Variants in BNC2 observed in about 807,000 individuals in gnomAD.
The protein encoded by BNC2 is basonuclin zinc finger protein 2.
Under a neutral mutation model 76.3 loss-of-function variants are expected in BNC2, and 20 were observed. That is an observed-to-expected ratio of 0.26 (90% CI 0.18 to 0.38). The LOEUF is 0.38. Ranked by LOEUF, BNC2 falls within the 10% of genes least tolerant of loss-of-function variation. The pLI is 1.00. For synonymous variants in BNC2, 582 were observed against 514.8 expected (o/e 1.13, Z -1.77); for missense variants, 1,382 against 1,399.8 (o/e 0.99, Z 0.20).
At chr9:16,670,943 CCT>C (rs1822459158) in intron 3 of BNC2, among the ~76,000 whole-genome samples, 1 of 152,156 alleles carries the variant, frequency 6.6e-6, no homozygotes, top group Non-Finnish European at 1.5e-5. Flanking sequence ...AGCACCTTCC[CCT>C]GAGCTTGCCC....
intron 5 of BNC2, among the ~76,000 whole-genome samples, chr9:16,462,629 T>TG (rs752208650): frequency 1.3e-5 from 2 of 152,156 alleles, no homozygotes; most frequent in African/African-American, 2.4e-5. Context: ...GTAGGATACT[T>TG]TATCAAGTTT....
chr9:16,827,746 G>T (rs1818487528), intron 1 of BNC2, among the ~76,000 whole-genome samples: 1 of 152,220 alleles, frequency 6.6e-6, no homozygotes, highest in Non-Finnish European at 1.5e-5. Context: ...GGGAAGAAGT[G>T]TGAAACATGT....
At chr9:16,868,908 T>C (rs1819608809) in intron 1 of BNC2, among the ~76,000 whole-genome samples, 1 of 152,182 alleles carries the variant, frequency 6.6e-6, no homozygotes. Flanking sequence ...CAGAAATAAA[T>C]TCCTCCCATT....
chr9:16,804,656 G>T (rs557741097), intron 1 of BNC2, among the ~76,000 whole-genome samples: 2 of 152,268 alleles, frequency 1.3e-5, no homozygotes, highest in East Asian at 3.9e-4. Context: ...AGTATGATAC[G>T]CACAGAATGA....
chr9:16,545,847 C>T (rs1196692913), intron 5 of BNC2, among the ~76,000 whole-genome samples: 1 of 152,134 alleles, frequency 6.6e-6, no homozygotes, highest in Non-Finnish European at 1.5e-5. Flanking sequence ...AATCTACGAT[C>T]CGAGAAAATG....
At chr9:16,657,874 T>G (rs1821976408) in intron 3 of BNC2, among the ~76,000 whole-genome samples, 1 of 152,176 alleles carries the variant, frequency 6.6e-6, no homozygotes, top group African/African-American at 2.4e-5. Flanking sequence ...TACATAGGTG[T>G]GTTGATCTTA....
Position 16,659,969 on chromosome 9 carries a change from G to C in BNC2, c.330+67828C>G, listed in dbSNP as rs547176850. On this transcript the variant is annotated intron_variant, in intron 3 of 6. Transcript: ENST00000380672. Reference sequence around the variant, plus strand: ...AGCAACCAAATAGATGCCTGAAACAGAATTATATGTTCAGTTAATATCTGT... The same window carrying C: ...AGCAACCAAATAGATGCCTGAAACACAATTATATGTTCAGTTAATATCTGT... 3.9e-5 allele frequency among the ~76,000 whole-genome samples: 6 copies of C among 152,290 alleles called. No individual in the cohort carries two copies. The South Asian group carries it at 1.0e-3, about 26-fold the overall frequency.
At chr9:16,467,613 A>G (rs915826287) in intron 5 of BNC2, among the ~76,000 whole-genome samples, 26 of 141,968 alleles carry the variant, frequency 1.8e-4, no homozygotes, top group Non-Finnish European at 3.8e-4. Flanking sequence ...ATTCTCACTC[A>G]TAGGTGGGAA....
intron 4 of BNC2, among the ~76,000 whole-genome samples, chr9:16,558,869 GGTTGCAGTGAGCTGAGA>G (rs1554673672): frequency 6.6e-6 from 1 of 151,248 alleles, no homozygotes; most frequent in Non-Finnish European, 1.5e-5. Context: ...GGGAAGCAGA[GGTTGCAGTGAGCTGAGA>G]TTGTGCCACT....
At chr9:16,585,967 T>C (rs1563851148) in intron 3 of BNC2, among the ~76,000 whole-genome samples, 1 of 152,134 alleles carries the variant, frequency 6.6e-6, no homozygotes, top group Non-Finnish European at 1.5e-5. Flanking sequence ...AGTCAGAGTG[T>C]TCCCACCTAT....
rs571526219 is a variant in BNC2, at chr9:16,710,243, C to T, written c.330+17554G>A. Among the ~76,000 whole-genome samples the T allele has an allele frequency of 1.2e-4, 18 of 152,274 alleles. No individual in the cohort carries two copies. The South Asian group carries it at 3.7e-3, about 32-fold the overall frequency. On this transcript the variant is annotated intron_variant, in intron 3 of 6. Transcript: ENST00000380672. ...CCACCAGTTTCTATTGGTTAAACAA[C>T]ACCTTACAGAGATACTCAAGACAGA...
chr9:16,639,389 T>A (rs1347322552), intron 3 of BNC2, among the ~76,000 whole-genome samples: 3 of 152,216 alleles, frequency 2.0e-5, no homozygotes, highest in Non-Finnish European at 4.4e-5. Context: ...CTGGCATGTT[T>A]GTTTCTGTAG....
At chr9:16,810,472 A>G (rs760230020) in intron 1 of BNC2, among the ~76,000 whole-genome samples, 4 of 152,216 alleles carry the variant, frequency 2.6e-5, no homozygotes, top group Non-Finnish European at 5.9e-5. Flanking sequence ...GTGAATGACA[A>G]TGACAATGAG....
chr9:16,561,899 G>C (rs1034895159), intron 4 of BNC2, among the ~76,000 whole-genome samples: 5 of 152,240 alleles, frequency 3.3e-5, no homozygotes, highest in Non-Finnish European at 5.9e-5. Context: ...AGCTACTCGG[G>C]AGGCTGAGGT....
intron 5 of BNC2, among the ~76,000 whole-genome samples, chr9:16,464,826 A>T (rs537361671): frequency 4.4e-4 from 67 of 152,204 alleles, no homozygotes; most frequent in Non-Finnish European, 8.8e-4. Flanking sequence ...AATCCTGAAA[A>T]AGTTAAAACT....
intron 5 of BNC2, among the ~76,000 whole-genome samples, chr9:16,491,429 A>G (rs1219262276): frequency 6.6e-6 from 1 of 152,208 alleles, no homozygotes; most frequent in Non-Finnish European, 1.5e-5. Flanking sequence ...ACAAAACTTA[A>G]GAGGATCAGA....
chr9:16,665,433 GAAAAGAAAGAAAGAAA>G (rs1822251187), intron 3 of BNC2, among the ~76,000 whole-genome samples: 3 of 80,872 alleles, frequency 3.7e-5, no homozygotes, highest in African/African-American at 1.4e-4. Flanking sequence ...AGAAAGGAAA[GAAAAGAAAGAAAGAAA>G]GAAAGAAAGA....
intron 3 of BNC2, among the ~76,000 whole-genome samples, chr9:16,647,514 G>C (rs2133914066): frequency 1.3e-5 from 2 of 152,278 alleles, no homozygotes; most frequent in Middle Eastern, 6.8e-3. Context: ...AGAATGCAGA[G>C]AGAGTTTTTC....
chr9:16,602,572 T>G (rs528050707), intron 3 of BNC2, among the ~76,000 whole-genome samples: 10 of 152,132 alleles, frequency 6.6e-5, no homozygotes, highest in Non-Finnish European at 1.3e-4. Context: ...CCCTCAGTGC[T>G]CCCCACTCTA....
Sources: allele counts gnomAD v4.1 joint callset (sites outside exome capture counted in the v4.1 genomes callset), GRCh38; gene constraint gnomAD v4.1.1; transcripts MANE v1.5; gene names NCBI Gene and HGNC (gene_info 2026-07-23, HGNC 2026-07-21).